PALM2AKAP2: variants seen among roughly 807,000 people sequenced by gnomAD.
PALM2AKAP2 encodes the protein PALM2-AKAP2 fusion protein.
PALM2AKAP2 carries 37 observed loss-of-function variants against 71.5 expected under a neutral mutation model. The ratio of observed to expected loss-of-function variants is 0.52; its 90% confidence interval spans 0.40 to 0.68. The LOEUF is 0.68. PALM2AKAP2 is among the 30% of genes least tolerant of loss of function. The pLI is 0.00. For synonymous variants in PALM2AKAP2, 468 were observed against 478.8 expected (o/e 0.98, Z 0.29); for missense variants, 1,224 against 1,191.8 (o/e 1.03, Z -0.40).
intron 3 of PALM2AKAP2, among the ~76,000 whole-genome samples, chr9:109,891,054 T>A (rs757244864): frequency 2.6e-5 from 4 of 152,212 alleles, no homozygotes; most frequent in Non-Finnish European, 5.9e-5. Flanking sequence ...AATGTCCCCC[T>A]GGCCAGGGTG....
At chr9:110,014,759 C>T (rs1225760570) in intron 6 of PALM2AKAP2, among the ~76,000 whole-genome samples, 8 of 112,056 alleles carry the variant, frequency 7.1e-5, no homozygotes, top group African/African-American at 2.1e-4. Context: ...GGCGACAGAG[C>T]GAGACTCTGT....
At chr9:109,839,120 G>A (rs980404722) in intron 1 of PALM2AKAP2, among the ~76,000 whole-genome samples, 1 of 152,114 alleles carries the variant, frequency 6.6e-6, no homozygotes, top group African/African-American at 2.4e-5. Context: ...GATGAACATC[G>A]ATGCAAAAAT....
At chr9:109,864,829 ATTTCACC>A (rs1829406286) in intron 1 of PALM2AKAP2, among the ~76,000 whole-genome samples, 1 of 152,142 alleles carries the variant, frequency 6.6e-6, no homozygotes, top group Non-Finnish European at 1.5e-5. Flanking sequence ...CTAAAATGCC[ATTTCACC>A]ATATCATTCT....
Position 109,774,520 on chromosome 9 carries a change from G to A in PALM2AKAP2, c.6-5968G>A, listed in dbSNP as rs76382355. 7.5e-3 allele frequency among the ~76,000 whole-genome samples: 1,142 copies of A among 152,256 alleles called. 5 individuals carry two copies. The highest frequency in any genetic ancestry group is 0.013 in the Non-Finnish European group (905 of 68,004). ...CACACTAAAAGATAAGACTGTAGAT[G>A]TCTAAGAATCATTAAAAGCAGAGTC... is the stretch of plus-strand genomic sequence containing the variant. On this transcript the variant is annotated intron_variant, in intron 1 of 6. Coordinates refer to the PALM2AKAP2 transcript ENST00000374531.
chr9:110,082,155 T>C (rs1834464584), intron 1 of PALM2AKAP2, among the ~76,000 whole-genome samples: 1 of 152,142 alleles, frequency 6.6e-6, no homozygotes, highest in African/African-American at 2.4e-5. Context: ...TGGTGTGATC[T>C]TGGCTCACTG....
chr9:109,945,690 T>C (rs1487077501), intron 6 of PALM2AKAP2: 1 of 152,210 alleles, frequency 6.6e-6, no homozygotes, highest in Admixed American at 6.5e-5. Context: ...TTTTAAAAAG[T>C]TAAGCACAGT....
chr9:109,806,902 A>T (rs1171915254), intron 1 of PALM2AKAP2, among the ~76,000 whole-genome samples: 1 of 152,208 alleles, frequency 6.6e-6, no homozygotes, highest in African/African-American at 2.4e-5. Flanking sequence ...GGAGCACAAG[A>T]ATTGCACAAT....
chr9:109,779,911 C>T (rs1016542608), upstream of PALM2AKAP2, among the ~76,000 whole-genome samples: 6 of 152,140 alleles, frequency 3.9e-5, no homozygotes, highest in African/African-American at 1.4e-4. Flanking sequence ...CTGGCATCTG[C>T]CCGGTGGAGG....
chr9:109,972,179 A>C (rs4978865), intron 6 of PALM2AKAP2, among the ~76,000 whole-genome samples: 1 of 152,030 alleles, frequency 6.6e-6, no homozygotes, highest in Non-Finnish European at 1.5e-5. Flanking sequence ...TATAAATACA[A>C]CTTCAACAGG....
chr9:109,958,744 G>C (rs1255621440), intron 6 of PALM2AKAP2, among the ~76,000 whole-genome samples: 1 of 151,994 alleles, frequency 6.6e-6, no homozygotes, highest in East Asian at 1.9e-4. Flanking sequence ...TAAGAGGAGG[G>C]GAGTTGTTCC....
intron 1 of PALM2AKAP2, among the ~76,000 whole-genome samples, chr9:109,763,188 G>A (rs1242378627): frequency 6.6e-6 from 1 of 152,102 alleles, no homozygotes; most frequent in Non-Finnish European, 1.5e-5. Context: ...AAAAACAGAA[G>A]CTGAGGGAAA....
At chr9:109,885,334 A>G (rs561598790) in intron 3 of PALM2AKAP2, among the ~76,000 whole-genome samples, 5 of 152,324 alleles carry the variant, frequency 3.3e-5, no homozygotes, top group African/African-American at 9.6e-5. Context: ...AAATGTAACT[A>G]GAATATTAAA....
At chr9:109,739,847 A>G (rs762213779) in intron 1 of PALM2AKAP2, among the ~76,000 whole-genome samples, 8 of 152,224 alleles carry the variant, frequency 5.3e-5, no homozygotes, top group Non-Finnish European at 1.0e-4. Context: ...GGCAACTCCC[A>G]GGGCTTTTGA....
chr9:109,831,208 T>G (rs1828293190), intron 1 of PALM2AKAP2, among the ~76,000 whole-genome samples: 1 of 150,906 alleles, frequency 6.6e-6, no homozygotes, highest in Admixed American at 6.6e-5. Flanking sequence ...ACACGTATTC[T>G]CCCATGTAAG....
chr9:109,869,358 T>A (rs1357364195), intron 2 of PALM2AKAP2, among the ~76,000 whole-genome samples: 1 of 152,188 alleles, frequency 6.6e-6, no homozygotes, highest in Non-Finnish European at 1.5e-5. Flanking sequence ...AGATGGAGTC[T>A]CGCTCTGTCG....
At chr9:109,801,708 ATGTGTG>A (rs142422555) in intron 1 of PALM2AKAP2, among the ~76,000 whole-genome samples, 147 of 149,304 alleles carry the variant, frequency 9.8e-4, no homozygotes, top group Non-Finnish European at 1.9e-3. Flanking sequence ...AGGTGTTGAT[ATGTGTG>A]TGTGTGTGTG....
At chr9:110,062,197 A>G (rs936232368) in intron 1 of PALM2AKAP2, among the ~76,000 whole-genome samples, 8 of 152,176 alleles carry the variant, frequency 5.3e-5, no homozygotes, top group African/African-American at 1.7e-4. Context: ...CCCATCACCT[A>G]CATATTAAGC....
At chr9:109,824,453 G>C (rs1319454680) in intron 1 of PALM2AKAP2, among the ~76,000 whole-genome samples, 1 of 152,170 alleles carries the variant, frequency 6.6e-6, no homozygotes, top group Non-Finnish European at 1.5e-5. Context: ...CTCTGATACT[G>C]TCATTTCTTC....
At chr9:109,869,469 C>T (rs772505271) in intron 2 of PALM2AKAP2, among the ~76,000 whole-genome samples, 3 of 151,444 alleles carry the variant, frequency 2.0e-5, no homozygotes, top group Non-Finnish European at 1.5e-5. Context: ...GCTGGGACTA[C>T]AAATGCCCGC....
Sources: allele counts gnomAD v4.1 joint callset (sites outside exome capture counted in the v4.1 genomes callset), GRCh38; gene constraint gnomAD v4.1.1; transcripts MANE v1.5; gene names NCBI Gene and HGNC (gene_info 2026-07-23, HGNC 2026-07-21).